Variants in KYAT1 observed in about 807,000 individuals in gnomAD.
The protein encoded by KYAT1 is kynurenine aminotransferase 1, also known as kynurenine--oxoglutarate transaminase 1.
In KYAT1, 47 loss-of-function variants were observed where a neutral mutation model predicts 52.4. The observed-to-expected ratio is 0.90, with a 90% CI of 0.71 to 1.14. KYAT1 has a LOEUF of 1.14. Among genes scored for constraint, KYAT1 ranks in the 50% most tolerant of loss-of-function variants. The probability of loss-of-function intolerance (pLI) is 0.00; values close to 1 mark genes in which losing one functional copy is unlikely to be tolerated. For synonymous variants in KYAT1, 212 were observed against 209.6 expected (o/e 1.01, Z -0.10); for missense variants, 480 against 557.9 (o/e 0.86, Z 1.41).
chr9:128,878,348 T>A (rs1838322337), intron 1 of KYAT1, among the ~76,000 whole-genome samples: 1 of 152,028 alleles, frequency 6.6e-6, no homozygotes, highest in African/African-American at 2.4e-5. Flanking sequence ...TTGCCCAGGT[T>A]GGTCTCGAAC....
intron 1 of KYAT1, among the ~76,000 whole-genome samples, chr9:128,852,431 T>C (rs1243913804): frequency 6.6e-6 from 1 of 152,252 alleles, no homozygotes. Context: ...TGGAAAGTGT[T>C]GCCTCAGTCC....
intron 2 of KYAT1, among the ~76,000 whole-genome samples, chr9:128,843,703 C>T (rs1832617956): frequency 6.6e-6 from 1 of 152,172 alleles, no homozygotes; most frequent in Non-Finnish European, 1.5e-5. Context: ...TTTGCATCAT[C>T]AACCCTGTGG....
At chr9:128,857,114 G>A (rs1210504671) in intron 1 of KYAT1, among the ~76,000 whole-genome samples, 2 of 152,376 alleles carry the variant, frequency 1.3e-5, no homozygotes, top group Non-Finnish European at 2.9e-5. Flanking sequence ...TTTGGGCGGG[G>A]AGAAACATAA....
chr9:128,849,445 A>C (rs1237113449), intron 1 of KYAT1, among the ~76,000 whole-genome samples: 1 of 145,110 alleles, frequency 6.9e-6, no homozygotes, highest in African/African-American at 2.5e-5. Context: ...GGGAAATAAT[A>C]ATCTTTTCAA....
intron 1 of KYAT1, among the ~76,000 whole-genome samples, chr9:128,857,091 C>T (rs926895263): frequency 2.6e-5 from 4 of 152,260 alleles, no homozygotes; most frequent in African/African-American, 9.6e-5. Context: ...TTATTCTTTA[C>T]TCCACTGAGA....
intron 11 of KYAT1, chr9:128,835,053 C>T (rs967698586): frequency 1.1e-4 from 50 of 442,246 alleles, no homozygotes; most frequent in African/African-American, 6.9e-4. Context: ...AGGAGAATGG[C>T]GTGAACCTGG....
intron 3 of KYAT1, among the ~76,000 whole-genome samples, chr9:128,841,332 G>A (rs979658241): frequency 1.3e-4 from 19 of 151,996 alleles, no homozygotes; most frequent in South Asian, 2.1e-4. Context: ...GTGAAACCCC[G>A]TCTCTACTAA....
intron 1 of KYAT1, among the ~76,000 whole-genome samples, chr9:128,847,206 G>T (rs1208631934): frequency 6.6e-6 from 1 of 152,210 alleles, no homozygotes; most frequent in African/African-American, 2.4e-5. Context: ...GGGCACAGGG[G>T]ATCATGGGAA....
In KYAT1 at chr9:128,835,805, CGGAGTTCT is replaced by C. The variant is rs758288939; in HGVS notation, c.821_828del (p.Gln274ArgfsTer17). ...TGGCTCTGCGTGGGGCAGTGGAAGACGGAGTTCTGGTGCACGGTCCGCAGGTGCTTCAT... is the reference window on the plus strand; with the variant it reads ...TGGCTCTGCGTGGGGCAGTGGAAGACGGTGCACGGTCCGCAGGTGCTTCAT... On this transcript the variant is annotated frameshift_variant, in exon 9 of 13. Transcript: ENST00000302586. LOFTEE classifies it high-confidence loss of function. 8.7e-6 allele frequency: 14 copies of C among 1,613,410 alleles called. No homozygotes were observed. In the Admixed American group the frequency reaches 2.3e-4, roughly 27 times the overall value.
At chr9:128,847,618 A>G (rs1416924804) in intron 1 of KYAT1, 3 of 715,098 alleles carry the variant, frequency 4.2e-6, no homozygotes, top group African/African-American at 3.5e-5. Flanking sequence ...CTCCGAGCTC[A>G]GGACTTGGGT....
chr9:128,849,281 C>T (rs1223735250), intron 1 of KYAT1, among the ~76,000 whole-genome samples: 3 of 150,806 alleles, frequency 2.0e-5, no homozygotes, highest in East Asian at 4.0e-4. Flanking sequence ...CATGGTGGCA[C>T]ATGCCTGTAG....
chr9:128,856,914 A>C (rs1834696717), intron 1 of KYAT1, among the ~76,000 whole-genome samples: 1 of 152,230 alleles, frequency 6.6e-6, no homozygotes, highest in South Asian at 2.1e-4. Context: ...TTAGTAAAAG[A>C]GGAAAGCCTC....
At position 128,881,459 on chromosome 9, in the gene KYAT1, T is replaced by C. The variant is rs77972738; in HGVS notation, c.-7+438A>G. On this transcript the variant is annotated intron_variant, in intron 1 of 12. Transcript: ENST00000302586. Reference sequence around the variant, plus strand: ...ACCCTACATTAGTGCATATTAAACATTGTTCGTCTTAATGGCTGCACAGTA... The same window carrying C: ...ACCCTACATTAGTGCATATTAAACACTGTTCGTCTTAATGGCTGCACAGTA... Among the ~76,000 whole-genome samples the C allele has an allele frequency of 1.3e-4, 20 of 152,300 alleles. No homozygotes were observed. In the East Asian group the frequency reaches 2.7e-3, roughly 21 times the overall value.
chr9:128,865,258 A>AG (rs2130722220), intron 1 of KYAT1, among the ~76,000 whole-genome samples: 1 of 138,082 alleles, frequency 7.2e-6, no homozygotes, highest in Non-Finnish European at 1.5e-5. Flanking sequence ...AAAAAAAAAA[A>AG]AAGGCTAAGT....
chr9:128,837,938 G>A, intron 5 of KYAT1, 113 bp downstream of exon 5: 1 of 1,488,678 alleles, frequency 6.7e-7, no homozygotes, highest in Non-Finnish European at 9.4e-7. Context: ...TGCCCTCCCA[G>A]CTTAGAGGAA....
At chr9:128,861,654 G>T (rs887565753) in intron 1 of KYAT1, among the ~76,000 whole-genome samples, 3 of 152,194 alleles carry the variant, frequency 2.0e-5, no homozygotes, top group African/African-American at 7.2e-5. Context: ...AAGTACCTGT[G>T]CCTTGAGCAA....
intron 12 of KYAT1, 26 bp downstream of exon 12, chr9:128,833,714 T>C (rs1564441531): frequency 6.2e-7 from 1 of 1,613,932 alleles, no homozygotes; most frequent in Non-Finnish European, 8.5e-7. Flanking sequence ...CTGTGAGGTC[T>C]TTCCTCCCCC....
At chr9:128,864,545 C>T (rs1835931898) in intron 1 of KYAT1, among the ~76,000 whole-genome samples, 1 of 151,998 alleles carries the variant, frequency 6.6e-6, no homozygotes, top group East Asian at 1.9e-4. Flanking sequence ...GGCCCATAGC[C>T]CAGCCCATTT....
Position 128,858,118 on chromosome 9 carries a change from T to C in KYAT1, c.-6-12707A>G, listed in dbSNP as rs575946660. On this transcript the variant is annotated intron_variant, in intron 1 of 12. Coordinates refer to ENST00000302586, the MANE Select transcript of KYAT1 (RefSeq NM_004059.5). ...AAAAAGATACACAAACAGCCAAGGC[T>C]GGGCACGGTGGCTCACGTCTGTAAT... Among the ~76,000 whole-genome samples the C allele has an allele frequency of 5.9e-5, 9 of 152,162 alleles. No individual in the cohort carries two copies. In the South Asian group the frequency reaches 1.2e-3, roughly 21 times the overall value.
Sources: gnomAD v4.1 joint callset for allele counts (sites outside exome capture counted in the v4.1 genomes callset) on GRCh38, gnomAD v4.1.1 for gene constraint, MANE v1.5 for transcripts, NCBI Gene and HGNC (gene_info 2026-07-23, HGNC 2026-07-21) for gene names.